Variants in MAST2 observed in about 807,000 individuals in gnomAD.
MAST2 encodes the protein microtubule-associated serine/threonine-protein kinase 2.
A neutral mutation model predicts 147.4 loss-of-function variants in MAST2; 70 were observed. That is an observed-to-expected ratio of 0.47 (90% CI 0.39 to 0.58). The LOEUF is 0.58. Ranked by LOEUF, MAST2 falls within the 20% of genes least tolerant of loss-of-function variation. The pLI is 0.00. For synonymous variants in MAST2, 869 were observed against 896.8 expected (o/e 0.97, Z 0.55); for missense variants, 2,080 against 2,302.3 (o/e 0.90, Z 1.98).
chr1:45,917,673 C>A, intron 4 of MAST2: 1 of 576,020 alleles, frequency 1.7e-6, no homozygotes. Flanking sequence ...ATAAATATCA[C>A]AGATTTCTGT....
chr1:45,972,246 A>G lies in MAST2; in HGVS notation c.592+12769A>G, dbSNP rs147032492. 4.9e-4 allele frequency among the ~76,000 whole-genome samples: 74 copies of G among 152,344 alleles called. 1 individual carries two copies. Among genetic ancestry groups the G allele is most frequent in the African/African-American group, 1.7e-3 (72 of 41,582 alleles). ...TTCACTCACAGAAAGGACAGATACA[A>G]CAAGATCAGAGTCTGTGATGTGCAC... On this transcript the variant is annotated intron_variant, in intron 5 of 28. Coordinates refer to ENST00000361297, the MANE Select transcript of MAST2 (RefSeq NM_015112.3).
chr1:46,032,239 A>G lies in MAST2; in HGVS notation c.3249A>G (p.Pro1083=). The change falls in exon 25 of 29, where the codon CCA becomes CCG. Residue 1083 remains proline (P), a synonymous_variant. Coordinates refer to ENST00000361297, the MANE Select transcript of MAST2 (RefSeq NM_015112.3). The stretch of plus-strand genomic sequence containing the variant: ...CCCCACATTCTCAGTCGTCCAACCC[A>G]TCATCCCGGGACTCTTCTCCAAGCA... ...PMSPHSQSSN[P]SSRDSSPSRD... The G allele has an allele frequency of 6.2e-7, 1 of 1,614,054 alleles. No homozygotes were observed. The highest frequency in any genetic ancestry group is 8.5e-7 in the Non-Finnish European group (1 of 1,180,006).
At chr1:46,008,255 C>A in intron 8 of MAST2, 41 bp from the exon 9 acceptor site, 2 of 1,435,744 alleles carry the variant, frequency 1.4e-6, no homozygotes, top group Non-Finnish European at 2.0e-6. Context: ...CTTGATAGTT[C>A]CATAGCACTA....
chr1:45,853,211 T>G (rs1025273019), intron 3 of MAST2, among the ~76,000 whole-genome samples: 1 of 152,162 alleles, frequency 6.6e-6, no homozygotes, highest in Non-Finnish European at 1.5e-5. Flanking sequence ...ATTACAGATA[T>G]GAGCCCCATG....
chr1:45,847,155 A>G (rs2147955407), intron 3 of MAST2: 3 of 500,844 alleles, frequency 6.0e-6, no homozygotes, highest in South Asian at 1.5e-5. Flanking sequence ...CAATTTCTTC[A>G]GATCAAAGTC....
At chr1:45,927,433 G>A (rs998134057) in intron 4 of MAST2, among the ~76,000 whole-genome samples, 6 of 152,130 alleles carry the variant, frequency 3.9e-5, no homozygotes, top group African/African-American at 1.4e-4. Flanking sequence ...GCCACGCCCA[G>A]GGGGGCTGTT....
intron 3 of MAST2, among the ~76,000 whole-genome samples, chr1:45,863,730 C>A (rs930100134): frequency 6.6e-6 from 1 of 152,136 alleles, no homozygotes; most frequent in Admixed American, 6.5e-5. Flanking sequence ...TATATTTACA[C>A]CTTAGGTAGT....
intron 3 of MAST2, among the ~76,000 whole-genome samples, chr1:45,848,153 T>C (rs1412032871): frequency 6.6e-6 from 1 of 152,012 alleles, no homozygotes; most frequent in South Asian, 2.1e-4. Context: ...CCTTAAGAGA[T>C]AGCAATGTTA....
intron 1 of MAST2, among the ~76,000 whole-genome samples, chr1:45,808,446 C>A (rs1338579549): frequency 1.3e-5 from 2 of 152,042 alleles, no homozygotes; most frequent in African/African-American, 4.8e-5. Context: ...TGAGCTCAGG[C>A]AATCCACCCG....
At chr1:45,899,663 A>T (rs1649406590) in intron 4 of MAST2, among the ~76,000 whole-genome samples, 1 of 152,100 alleles carries the variant, frequency 6.6e-6, no homozygotes, top group South Asian at 2.1e-4. Flanking sequence ...GCTGCATAGT[A>T]TTCCATGGTA....
rs78739273 is a variant in MAST2, at chr1:45,929,780, A to G, written c.501-29606A>G. Among the ~76,000 whole-genome samples, 919 of 152,262 alleles carry G rather than the reference A, an allele frequency of 6.0e-3. 10 individuals are homozygous for G. Among genetic ancestry groups the G allele is most frequent in the African/African-American group, 0.021 (883 of 41,530 alleles). On this transcript the variant is annotated intron_variant, in intron 4 of 28. Transcript: ENST00000361297. ...CATGGCTTTGTTTGTTAATATATAC[A>G]TATGTGTGTGTAAATAGATGGATTT...
In MAST2 at chr1:46,008,224, C is replaced by G. The variant is rs975364258; in HGVS notation, c.903-72C>G. ...GAAGATGGTGGGAGGGGCAGGGTCT[C>G]TGGGGATGGCCATCTTTCTTCTTGA... On this transcript the variant is annotated intron_variant, in intron 8 of 28. Coordinates refer to ENST00000361297, the MANE Select transcript of MAST2 (RefSeq NM_015112.3). 2.9e-6 allele frequency: 3 copies of G among 1,021,704 alleles called. No individual in the cohort carries two copies. The African/African-American group carries it at 4.8e-5, about 16-fold the overall frequency. 63.3% of individuals were successfully genotyped at this position (1,021,704 alleles called of 1,614,324 possible).
At chr1:45,881,009 T>TGTTTAGAAGAAAATATAA in intron 3 of MAST2, among the ~76,000 whole-genome samples, 1 of 148,368 alleles carries the variant, frequency 6.7e-6, no homozygotes, top group East Asian at 2.0e-4. Context: ...ATCTATAAAA[T>TGTTTAGAAGAAAATATAA]GTTTAGAAGA....
chr1:46,017,047 C>CA (rs1645980604), intron 10 of MAST2, among the ~76,000 whole-genome samples: 1 of 152,030 alleles, frequency 6.6e-6, no homozygotes, highest in African/African-American at 2.4e-5. Flanking sequence ...TGATCTTTGA[C>CA]AAACCTGAGA....
At chr1:45,950,814 G>A (rs1004854411) in intron 4 of MAST2, among the ~76,000 whole-genome samples, 1 of 152,180 alleles carries the variant, frequency 6.6e-6, no homozygotes, top group Non-Finnish European at 1.5e-5. Context: ...GGGCACAGTG[G>A]CTCACAACTT....
At chr1:45,829,398 T>C (rs746508628) in intron 2 of MAST2, 41 bp from the exon 3 acceptor site, 1 of 1,557,384 alleles carries the variant, frequency 6.4e-7, no homozygotes, top group Non-Finnish European at 8.8e-7. Flanking sequence ...TGTTTATCAA[T>C]AAATAATTAC....
At chr1:45,831,415 G>A (rs1644952376) in intron 3 of MAST2, among the ~76,000 whole-genome samples, 1 of 152,078 alleles carries the variant, frequency 6.6e-6, no homozygotes, top group Non-Finnish European at 1.5e-5. Context: ...GCAGGTGGGA[G>A]GCTAATTTTT....
At chr1:45,982,643 C>T (rs1644456799) in intron 5 of MAST2, among the ~76,000 whole-genome samples, 1 of 152,128 alleles carries the variant, frequency 6.6e-6, no homozygotes, top group African/African-American at 2.4e-5. Context: ...TATAATAAAA[C>T]TGTAATAATA....
At chr1:45,913,771 T>G in intron 4 of MAST2, 1 of 1,112,794 alleles carries the variant, frequency 9.0e-7, no homozygotes, top group Non-Finnish European at 1.1e-6. Context: ...ATACCCCTTG[T>G]GTGAGAGAAC....
Sources: allele counts gnomAD v4.1 joint callset (sites outside exome capture counted in the v4.1 genomes callset), GRCh38; gene constraint gnomAD v4.1.1; transcripts MANE v1.5; gene names NCBI Gene and HGNC (gene_info 2026-07-23, HGNC 2026-07-21).